The following LSAMP variants were observed in gnomAD, a reference collection of about 807,000 sequenced individuals.
LSAMP encodes limbic system associated membrane protein.
In LSAMP, 7 loss-of-function variants were observed where a neutral mutation model predicts 38.6. That is an observed-to-expected ratio of 0.18 (90% CI 0.10 to 0.34). The LOEUF is 0.34. LSAMP is among the 10% of genes least tolerant of loss of function. The pLI is 1.00. For missense variants in LSAMP, 313 were observed against 420.0 expected (o/e 0.75, Z 2.23); for synonymous variants, 154 against 166.8 (o/e 0.92, Z 0.59).
At chr3:116,178,488 C>G (rs1437107719) in intron 1 of LSAMP, among the ~76,000 whole-genome samples, 2 of 152,094 alleles carry the variant, frequency 1.3e-5, no homozygotes, top group African/African-American at 2.4e-5. Flanking sequence ...AGATTTAAAG[C>G]AAGTACATCA....
intron 3 of LSAMP, among the ~76,000 whole-genome samples, chr3:116,015,340 T>G (rs1301557433): frequency 6.6e-6 from 1 of 152,076 alleles, no homozygotes; most frequent in Non-Finnish European, 1.5e-5. Flanking sequence ...AGGGACTTCC[T>G]CATGAATGTG....
chr3:115,926,330 C>T (rs1324938197), intron 3 of LSAMP, among the ~76,000 whole-genome samples: 1 of 152,186 alleles, frequency 6.6e-6, no homozygotes, highest in African/African-American at 2.4e-5. Context: ...AAGACTGCCA[C>T]ATGCAAGGGG....
At chr3:115,860,712 G>A (rs576842484) in intron 3 of LSAMP, among the ~76,000 whole-genome samples, 26 of 152,192 alleles carry the variant, frequency 1.7e-4, no homozygotes, top group Non-Finnish European at 3.5e-4. Flanking sequence ...AAAAATGCCA[G>A]CAACCAGCAA....
In LSAMP at chr3:115,903,147, C is replaced by A. The variant is rs193017493; in HGVS notation, c.515-50530G>T. Among the ~76,000 whole-genome samples, 175 of 152,276 alleles carry A rather than the reference C, an allele frequency of 1.1e-3. 1 individual carries two copies. The East Asian group carries it at 0.031, about 27-fold the overall frequency. On this transcript the variant is annotated intron_variant, in intron 3 of 6. Transcript: ENST00000490035. ...TATGGTACAAATACACCATGGAACA[C>A]TATGCAGCCATAAAAAGGAATGAGA... is the stretch of plus-strand genomic sequence containing the variant.
intron 3 of LSAMP, among the ~76,000 whole-genome samples, chr3:115,988,830 C>G (rs928668710): frequency 6.6e-6 from 1 of 152,048 alleles, no homozygotes; most frequent in Non-Finnish European, 1.5e-5. Context: ...CAGATGTCAT[C>G]GCTTATTTTC....
intron 3 of LSAMP, among the ~76,000 whole-genome samples, chr3:115,888,104 T>C (rs1336490503): frequency 6.6e-6 from 1 of 151,900 alleles, no homozygotes; most frequent in African/African-American, 2.4e-5. Flanking sequence ...ATATTCTCAC[T>C]CAAAATACAT....
intron 2 of LSAMP, among the ~76,000 whole-genome samples, chr3:116,068,807 G>A (rs940318221): frequency 2.0e-4 from 31 of 152,174 alleles, no homozygotes; most frequent in African/African-American, 7.0e-4. Flanking sequence ...GTTCTGTGTG[G>A]TTTCAAAGAG....
chr3:116,057,459 A>C (rs1941510026), intron 2 of LSAMP, among the ~76,000 whole-genome samples: 1 of 152,182 alleles, frequency 6.6e-6, no homozygotes, highest in African/African-American at 2.4e-5. Flanking sequence ...TTGGTCATCA[A>C]ACTAGTCAAT....
At position 116,445,410 on chromosome 3, in the gene LSAMP, T is replaced by C; in HGVS notation, c.-379A>G. On this transcript the variant is annotated 5_prime_UTR_variant, in exon 1 of 7. Coordinates refer to ENST00000490035, the MANE Select transcript of LSAMP (RefSeq NM_002338.5). ...TGAGCTCCTTCGCTCTGTAACCCAC[T>C]TTCCCAGGCTGGCGGGCGGGCGGGC... 1 of 445,534 alleles carries C rather than the reference T, an allele frequency of 2.2e-6. No homozygotes were observed. Among genetic ancestry groups the C allele is most frequent in the Non-Finnish European group, 3.9e-6 (1 of 254,670 alleles). The allele number at this position is 445,534 out of a possible 1,614,324, so 27.6% of individuals were successfully genotyped here. A position where few individuals can be genotyped will look rare whatever the true frequency, so the allele number is the denominator to read the frequency against.
chr3:116,396,801 G>C (rs1014327300), intron 1 of LSAMP, among the ~76,000 whole-genome samples: 20 of 152,042 alleles, frequency 1.3e-4, no homozygotes, highest in African/African-American at 4.8e-5. Flanking sequence ...CTCAAAATCT[G>C]TTCATTGTTT....
At chr3:116,243,657 G>A (rs1563936) in intron 1 of LSAMP, among the ~76,000 whole-genome samples, 2,758 of 152,178 alleles carry the variant, frequency 0.018, 88 homozygotes, top group African/African-American at 0.062. Flanking sequence ...TCTCTCTGCA[G>A]CCATTCAATT....
chr3:116,318,355 C>T (rs909910203), intron 1 of LSAMP, among the ~76,000 whole-genome samples: 1 of 152,036 alleles, frequency 6.6e-6, no homozygotes, highest in African/African-American at 2.4e-5. Flanking sequence ...CTAGTGTGCT[C>T]CAGTTAGTCT....
At chr3:115,954,884 C>T (rs1178129288) in intron 3 of LSAMP, among the ~76,000 whole-genome samples, 1 of 152,016 alleles carries the variant, frequency 6.6e-6, no homozygotes, top group Non-Finnish European at 1.5e-5. Context: ...TAATTTTTGC[C>T]AGGCTTTCTG....
At chr3:116,444,789 C>CACACACACACACACACACAA (rs1559870681) in intron 1 of LSAMP, 88 bp downstream of exon 1, 4 of 137,454 alleles carry the variant, frequency 2.9e-5, no homozygotes, top group Non-Finnish European at 5.4e-5. Context: ...GGAGATCAGA[C>CACACACACACACACACACAA]ACACACACAC....
chr3:115,818,822 A>ATATATATATATATATATATATATATATAT (rs55828725), intron 6 of LSAMP, among the ~76,000 whole-genome samples: 72 of 125,176 alleles, frequency 5.8e-4, no homozygotes, highest in Non-Finnish European at 8.2e-4. Flanking sequence ...ATATATATAT[A>ATATATATATATATATATATATATATATAT]ACTGCAGCAA....
intron 1 of LSAMP, among the ~76,000 whole-genome samples, chr3:116,173,855 C>G (rs1485053103): frequency 6.6e-6 from 1 of 150,728 alleles, no homozygotes; most frequent in Admixed American, 6.6e-5. Flanking sequence ...TTCCATCTCT[C>G]CTTGTTCCGA....
At chr3:115,977,729 C>CA (rs56833385) in intron 3 of LSAMP, among the ~76,000 whole-genome samples, 5,587 of 129,668 alleles carry the variant, frequency 0.043, 162 homozygotes, top group East Asian at 0.094. Context: ...AACAGAACAC[C>CA]AAAAAAAAAA....
intron 1 of LSAMP, among the ~76,000 whole-genome samples, chr3:116,215,240 T>G (rs1469347994): frequency 6.6e-6 from 1 of 152,220 alleles, no homozygotes; most frequent in Non-Finnish European, 1.5e-5. Context: ...CTCTTCAATA[T>G]TCATTCTTCC....
chr3:116,108,132 G>T (rs1195263936), intron 1 of LSAMP, among the ~76,000 whole-genome samples: 2 of 152,164 alleles, frequency 1.3e-5, no homozygotes, highest in African/African-American at 4.8e-5. Flanking sequence ...GGTCGCCAAG[G>T]AGGGAGTAGA....
Sources: gnomAD v4.1 joint callset for allele counts (sites outside exome capture counted in the v4.1 genomes callset) on GRCh38, gnomAD v4.1.1 for gene constraint, MANE v1.5 for transcripts, NCBI Gene and HGNC (gene_info 2026-07-23, HGNC 2026-07-21) for gene names.